The following DUS2 variants were observed in gnomAD, a reference collection of about 807,000 sequenced individuals.
The protein encoded by DUS2 is tRNA-dihydrouridine(20) synthase [NAD(P)+]-like.
A neutral mutation model predicts 71.3 loss-of-function variants in DUS2; 52 were observed. That is an observed-to-expected ratio of 0.73 (90% CI 0.58 to 0.92). The LOEUF (loss-of-function observed/expected upper bound fraction) is 0.92, where lower values mean the gene tolerates loss of function less well. Among genes scored for constraint, DUS2 ranks in the 40% least tolerant of loss-of-function variants. The probability of loss-of-function intolerance (pLI) is 0.00; values close to 1 mark genes in which losing one functional copy is unlikely to be tolerated. For synonymous variants in DUS2, 204 were observed against 227.8 expected, an observed-to-expected ratio of 0.90 and a Z score of 0.94; for missense variants, 558 against 622.6, an observed-to-expected ratio of 0.90 and a Z score of 1.10.
chr16:68,052,603 T>C lies in DUS2; in HGVS notation c.173-961T>C, dbSNP rs568130147. 1.1e-4 allele frequency among the ~76,000 whole-genome samples: 17 copies of C among 152,186 alleles called. 1 individual carries two copies. The Middle Eastern group carries it at 0.01, about 91-fold the overall frequency. ...TTCAGAGTGATGTTTTCTGGGAAAATTTGGGCCAAATCTGAAACATAGACA... is the reference window on the plus strand; with the variant it reads ...TTCAGAGTGATGTTTTCTGGGAAAACTTGGGCCAAATCTGAAACATAGACA... On this transcript the variant is annotated intron_variant, in intron 4 of 16. Coordinates refer to ENST00000565263, the MANE Select transcript of DUS2 (RefSeq NM_017803.5).
At chr16:68,035,903 T>TACAC (rs1449311628) in intron 2 of DUS2, among the ~76,000 whole-genome samples, 3 of 50,778 alleles carry the variant, frequency 5.9e-5, no homozygotes, top group African/African-American at 1.6e-4. Context: ...TATATATATA[T>TACAC]ATATATATAT....
Position 68,030,811 on chromosome 16 carries a change from T to C in DUS2, c.-19+5317T>C, listed in dbSNP as rs183455519. Among the ~76,000 whole-genome samples, 15 of 152,116 alleles carry C rather than the reference T, an allele frequency of 9.9e-5. No homozygotes were observed. The East Asian group carries it at 2.9e-3, about 30-fold the overall frequency. ...CAGTTGCACAATCATGGCTCACTGC[T>C]GCATCGAACTCTTGGACTCCCAATG... On this transcript the variant is annotated intron_variant, in intron 2 of 16. Coordinates refer to ENST00000565263, the MANE Select transcript of DUS2 (RefSeq NM_017803.5).
rs1251010008 is a variant in DUS2, at chr16:68,038,063, C to G, written c.40C>G (p.Leu14Val). The change falls in exon 3 of 17, where the codon CTA becomes GTA. Residue 14 changes from leucine (L) to valine (V), a missense_variant. Leu to Val is a conservative substitution (Grantham distance 32, BLOSUM62 1). Transcript: ENST00000565263. ...CCTCTCTCTGTGTTACCATAATAAG[C>G]TAATCCTGGCCCCAATGGTTCGGGT... Reference protein sequence around the residue: ...NSLSLCYHNKLILAPMVRVGT... With the variant: ...NSLSLCYHNKVILAPMVRVGT... The G allele has an allele frequency of 6.2e-7, 1 of 1,613,812 alleles. No homozygotes were observed. The highest frequency in any genetic ancestry group is 8.5e-7 in the Non-Finnish European group (1 of 1,179,926).
chr16:68,045,027 A>G (rs1411316632), intron 3 of DUS2, among the ~76,000 whole-genome samples: 1 of 152,182 alleles, frequency 6.6e-6, no homozygotes, highest in Non-Finnish European at 1.5e-5. Context: ...TCCTGACCTC[A>G]GGCAATCCAC....
chr16:68,033,498 T>G (rs1224315310), intron 2 of DUS2, among the ~76,000 whole-genome samples: 1 of 151,956 alleles, frequency 6.6e-6, no homozygotes, highest in Non-Finnish European at 1.5e-5. Flanking sequence ...AAAAAAATTT[T>G]TTTTGAGACA....
At chr16:68,078,204 G>T (rs2034185779) in intron 15 of DUS2, 1 of 548,336 alleles carries the variant, frequency 1.8e-6, no homozygotes, top group Non-Finnish European at 3.3e-6. Context: ...ATAGTCATGT[G>T]CAGCTAAGGG....
chr16:68,047,236 A>G (rs2033716501), intron 3 of DUS2, among the ~76,000 whole-genome samples: 1 of 148,522 alleles, frequency 6.7e-6, no homozygotes, highest in African/African-American at 2.5e-5. Flanking sequence ...TTGTATTTTT[A>G]GTAGAGATGG....
At position 68,068,104 on chromosome 16, in the gene DUS2, A is replaced by C. The variant is rs539647235; in HGVS notation, c.554+1468A>C. 2.6e-5 allele frequency among the ~76,000 whole-genome samples: 4 copies of C among 152,310 alleles called. No homozygotes were observed. The East Asian group carries it at 7.7e-4, about 29-fold the overall frequency. ...AGGCCACCCTTGGCTTACCATTCAC[A>C]CTTGTTCCCTGTGTCCAGGATGTGA... On this transcript the variant is annotated intron_variant, in intron 10 of 16. Coordinates refer to ENST00000565263, the MANE Select transcript of DUS2 (RefSeq NM_017803.5).
At chr16:68,026,768 C>T (rs947348415) in intron 2 of DUS2, among the ~76,000 whole-genome samples, 3 of 149,258 alleles carry the variant, frequency 2.0e-5, no homozygotes, top group African/African-American at 7.4e-5. Context: ...CCCAGCTACT[C>T]GGGAGGCTGA....
intron 3 of DUS2, among the ~76,000 whole-genome samples, chr16:68,048,438 A>G (rs2033734523): frequency 6.6e-6 from 1 of 151,626 alleles, no homozygotes; most frequent in South Asian, 2.1e-4. Context: ...GGGATGCCAC[A>G]CTGATTCTTG....
Position 68,078,706 on chromosome 16 carries a change from C to T in DUS2, c.1245-43C>T, listed in dbSNP as rs764325216. 1.9e-6 allele frequency: 3 copies of T among 1,562,998 alleles called. No homozygotes were observed. The African/African-American group carries it at 4.1e-5, about 21-fold the overall frequency. ...GGATGTGTAGAGTCAGGCCTCATAG[C>T]CCTGCACCCTGCCCCTCACCTTATT... On this transcript the variant is annotated intron_variant, in intron 16 of 16. Transcript: ENST00000565263.
rs1477787321 is a variant in DUS2, at chr16:68,078,594, G to A, written c.1244+76G>A. Reference sequence around the variant, plus strand: ...GCATTCTGCCCACACATCCAGCATTGTCCTAGGAGGGTTGGGTAGATGGTA... The same window carrying A: ...GCATTCTGCCCACACATCCAGCATTATCCTAGGAGGGTTGGGTAGATGGTA... On this transcript the variant is annotated intron_variant, in intron 16 of 16. Transcript: ENST00000565263. 3 of 1,549,380 alleles carry A rather than the reference G, an allele frequency of 1.9e-6. No homozygotes were observed. In the African/African-American group the frequency reaches 4.1e-5, roughly 21 times the overall value.
At chr16:68,049,474 G>C in intron 3 of DUS2, 31 bp from the exon 4 acceptor site, 1 of 1,613,290 alleles carries the variant, frequency 6.2e-7, no homozygotes, top group Non-Finnish European at 8.5e-7. Context: ...ACATGTTCAG[G>C]AATGACAAGC....
At chr16:68,037,139 A>G (rs1311391309) in intron 2 of DUS2, among the ~76,000 whole-genome samples, 1 of 151,894 alleles carries the variant, frequency 6.6e-6, no homozygotes, top group African/African-American at 2.4e-5. Flanking sequence ...AAAATGATTG[A>G]AAACTGCCAG....
At position 68,054,730 on chromosome 16, in the gene DUS2, C is replaced by A. The variant is rs1021759896; in HGVS notation, c.308+113C>A. The A allele has an allele frequency of 3.1e-6, 4 of 1,291,286 alleles. No individual in the cohort carries two copies. In the African/African-American group the frequency reaches 5.8e-5, roughly 19 times the overall value. 80.0% of individuals were successfully genotyped at this position (1,291,286 alleles called of 1,614,324 possible). Reference sequence around the variant, plus strand: ...ACCCTTCTGCCTTCTAGCCCATTACCTTCTGTTTCCAGGTTAAGAGTGCCT... The same window carrying A: ...ACCCTTCTGCCTTCTAGCCCATTACATTCTGTTTCCAGGTTAAGAGTGCCT... On this transcript the variant is annotated intron_variant, in intron 6 of 16. Transcript: ENST00000565263.
chr16:68,049,461 C>T (rs990739753), intron 3 of DUS2, 44 bp from the exon 4 acceptor site: 3 of 1,604,870 alleles, frequency 1.9e-6, no homozygotes, highest in East Asian at 2.2e-5. Context: ...ATGCCCAGAG[C>T]CTACATGTTC....
At chr16:68,049,062 T>A (rs2033742636) in intron 3 of DUS2, among the ~76,000 whole-genome samples, 1 of 152,180 alleles carries the variant, frequency 6.6e-6, no homozygotes, top group Admixed American at 6.6e-5. Context: ...TCATCTCAGA[T>A]CTTCCTCCCT....
intron 8 of DUS2, among the ~76,000 whole-genome samples, chr16:68,061,752 G>A (rs141502618): frequency 3.0e-4 from 45 of 152,110 alleles, no homozygotes; most frequent in African/African-American, 1.0e-3. Context: ...ATTCTCTATC[G>A]CTACTTCCCT....
At chr16:68,075,887 C>T (rs960531205) in intron 14 of DUS2, among the ~76,000 whole-genome samples, 6 of 152,162 alleles carry the variant, frequency 3.9e-5, no homozygotes, top group African/African-American at 1.4e-4. Context: ...CCTACCCACA[C>T]CCAGTGCCCC....
Sources: gnomAD v4.1 joint callset for allele counts (sites outside exome capture counted in the v4.1 genomes callset) on GRCh38, gnomAD v4.1.1 for gene constraint, MANE v1.5 for transcripts, NCBI Gene and HGNC (gene_info 2026-07-23, HGNC 2026-07-21) for gene names.